The following PTPRE variants were observed in gnomAD, a reference collection of about 807,000 sequenced individuals.
PTPRE encodes protein tyrosine phosphatase receptor type E.
PTPRE carries 51 observed loss-of-function variants against 102.0 expected under a neutral mutation model. The observed-to-expected ratio is 0.50, with a 90% CI of 0.40 to 0.63. The LOEUF is 0.63. Among genes scored for constraint, PTPRE ranks in the 30% least tolerant of loss-of-function variants. The pLI is 0.00. For missense variants in PTPRE, 752 were observed against 915.1 expected, an observed-to-expected ratio of 0.82 and a Z score of 2.30; for synonymous variants, 345 against 348.2, an observed-to-expected ratio of 0.99 and a Z score of 0.10.
intron 2 of PTPRE, among the ~76,000 whole-genome samples, chr10:128,025,487 C>T (rs1208223549): frequency 6.6e-6 from 1 of 152,212 alleles, no homozygotes; most frequent in East Asian, 1.9e-4. Context: ...CCCCACTTTA[C>T]AGACGAGTAA....
At chr10:128,041,398 C>T (rs1327296692) in intron 3 of PTPRE, among the ~76,000 whole-genome samples, 1 of 151,958 alleles carries the variant, frequency 6.6e-6, no homozygotes, top group African/African-American at 2.4e-5. Flanking sequence ...ACCTGTAATC[C>T]CAGCACTTTG....
At chr10:128,014,189 A>T (rs146089768) in intron 2 of PTPRE, among the ~76,000 whole-genome samples, 1 of 152,158 alleles carries the variant, frequency 6.6e-6, no homozygotes, top group Non-Finnish European at 1.5e-5. Context: ...CCAGCTCCAC[A>T]GGTCCCCTCC....
At chr10:128,044,562 C>A (rs1382387239) in intron 3 of PTPRE, among the ~76,000 whole-genome samples, 1 of 152,226 alleles carries the variant, frequency 6.6e-6, no homozygotes, top group Non-Finnish European at 1.5e-5. Context: ...TAAGCAAACA[C>A]ACACACACAC....
chr10:127,942,288 T>G (rs979583190), intron 1 of PTPRE, among the ~76,000 whole-genome samples: 1 of 152,182 alleles, frequency 6.6e-6, no homozygotes, highest in Admixed American at 6.5e-5. Flanking sequence ...GGAAGAATGT[T>G]GAGGAAAGGT....
rs938943198 is a variant in PTPRE, at chr10:127,907,941, C to T, written c.-31+632C>T. Among the ~76,000 whole-genome samples, 1 of 152,194 alleles carries T rather than the reference C, an allele frequency of 6.6e-6. No individual in the cohort carries two copies. The highest frequency in any genetic ancestry group is 2.4e-5 in the African/African-American group (1 of 41,468). ...TGCCGCGATTTGCAGGGTCGACGACCTCACAGGGCTCCTGAGCACAGATGC... is the reference window on the plus strand; with the variant it reads ...TGCCGCGATTTGCAGGGTCGACGACTTCACAGGGCTCCTGAGCACAGATGC... On this transcript the variant is annotated intron_variant, in intron 1 of 20. Transcript: ENST00000254667. The surrounding 1 kb of genome is among the most constrained non-coding windows in gnomAD (Gnocchi z 4.8).
chr10:128,005,761 G>A (rs1252593055), intron 2 of PTPRE, among the ~76,000 whole-genome samples: 2 of 152,194 alleles, frequency 1.3e-5, no homozygotes, highest in Non-Finnish European at 2.9e-5. Context: ...AAATGTAATG[G>A]CTAAAACAAT....
At chr10:128,013,290 C>T (rs551256495) in intron 2 of PTPRE, among the ~76,000 whole-genome samples, 1 of 152,220 alleles carries the variant, frequency 6.6e-6, no homozygotes, top group Admixed American at 6.5e-5. Context: ...TCTCCGAAGT[C>T]GTGAGTAGAG....
intron 2 of PTPRE, among the ~76,000 whole-genome samples, chr10:128,005,788 G>A (rs7089981): frequency 0.48 from 72,797 of 151,998 alleles, 17,709 homozygotes; most frequent in African/African-American, 0.53. Flanking sequence ...GTGTGGTCCC[G>A]CAGTTCCGGA....
At chr10:127,934,608 G>C (rs1007447102) in intron 1 of PTPRE, 2 of 152,276 alleles carry the variant, frequency 1.3e-5, no homozygotes, top group Non-Finnish European at 2.9e-5. Flanking sequence ...TTAGAATCCA[G>C]TCTCCCAGCC....
chr10:128,016,263 C>T (rs1272258901), intron 2 of PTPRE, among the ~76,000 whole-genome samples: 2 of 152,142 alleles, frequency 1.3e-5, no homozygotes, highest in Admixed American at 1.3e-4. Context: ...ACTTTCAAAA[C>T]ACAGAACAGG....
intron 2 of PTPRE, among the ~76,000 whole-genome samples, chr10:127,991,403 C>T (rs1228827072): frequency 6.6e-6 from 1 of 152,086 alleles, no homozygotes; most frequent in Non-Finnish European, 1.5e-5. Context: ...TTAAAAAATT[C>T]TTTCTGATAC....
chr10:128,000,100 A>C, intron 2 of PTPRE: 1 of 504,428 alleles, frequency 2.0e-6, no homozygotes, highest in Non-Finnish European at 2.6e-6. Context: ...ACTGGTTGAT[A>C]ATTTAGGAAT....
At chr10:128,069,036 C>A (rs1370140811) in intron 12 of PTPRE, 2 of 152,318 alleles carry the variant, frequency 1.3e-5, no homozygotes, top group South Asian at 2.1e-4. Flanking sequence ...GGGACAAAAG[C>A]CACCTGCACG....
chr10:128,052,054 G>T (rs1848605363), intron 6 of PTPRE, among the ~76,000 whole-genome samples: 1 of 152,014 alleles, frequency 6.6e-6, no homozygotes. Flanking sequence ...TGTAGAGATG[G>T]GGTCCCACTG....
chr10:128,026,739 CCCTTTGCAT>C (rs774478224), intron 2 of PTPRE, among the ~76,000 whole-genome samples: 51 of 152,342 alleles, frequency 3.3e-4, no homozygotes, highest in Non-Finnish European at 6.2e-4. Context: ...AAAAAGCAAG[CCCTTTGCAT>C]CCTTTTCTCT....
Position 128,079,542 on chromosome 10 carries a change from A to G in PTPRE, c.1893-18A>G. The stretch of plus-strand genomic sequence containing the variant: ...AGTGCAAGTCGGATGATCTGCATTA[A>G]GCGCTTTTTCTCTGCAGTGCCGGAG... On this transcript the variant is annotated intron_variant, in intron 19 of 20. Coordinates refer to ENST00000254667, the MANE Select transcript of PTPRE (RefSeq NM_006504.6). The G allele has an allele frequency of 6.2e-7, 1 of 1,612,582 alleles. No individual in the cohort carries two copies. The highest frequency in any genetic ancestry group is 8.5e-7 in the Non-Finnish European group (1 of 1,179,442).
In PTPRE at chr10:127,907,151, C is replaced by G; in HGVS notation, c.-189C>G. 3.4e-6 allele frequency: 2 copies of G among 580,510 alleles called. No individual in the cohort carries two copies. The highest frequency in any genetic ancestry group is 4.3e-6 in the Non-Finnish European group (2 of 460,484). 36.0% of individuals were successfully genotyped at this position (580,510 alleles called of 1,614,324 possible). On this transcript the variant is annotated 5_prime_UTR_variant, in exon 1 of 21. Transcript: ENST00000254667. This position sits in a 1 kb window ranked among gnomAD's most constrained non-coding sequence, Gnocchi z 4.8. ...GGACAGCGGGCGGCAGGAGCCGGCGCGAGCGGCTTCAGGAACCCACGGCCT... is the reference window on the plus strand; with the variant it reads ...GGACAGCGGGCGGCAGGAGCCGGCGGGAGCGGCTTCAGGAACCCACGGCCT...
chr10:127,944,503 GATGGATGGATGGGTGGATGGATGGATAA>G lies in PTPRE; in HGVS notation c.-31+37207_-31+37234del, dbSNP rs1195069906. ...GGATGGATGGATGGATGGATGGATG[GATGGATGGATGGGTGGATGGATGGATAA>G]ATGGATGGATGGATAAGTGGATGGA... On this transcript the variant is annotated intron_variant, in intron 1 of 20. Transcript: ENST00000254667. This position sits in a 1 kb window ranked among gnomAD's most constrained non-coding sequence, Gnocchi z 4.2. Among the ~76,000 whole-genome samples, 171 of 147,430 alleles carry G rather than the reference GATGGATGGATGGGTGGATGGATGGATAA, an allele frequency of 1.2e-3. 1 individual carries two copies. Among genetic ancestry groups the G allele is most frequent in the African/African-American group, 4.1e-3 (166 of 40,272 alleles).
rs1850708409 is a variant in PTPRE, at chr10:128,070,916, G to A, written c.1387+15G>A. The A allele has an allele frequency of 6.2e-7, 1 of 1,609,084 alleles. No individual in the cohort carries two copies. The highest frequency in any genetic ancestry group is 8.5e-7 in the Non-Finnish European group (1 of 1,175,538). ...GATCATCCCGTGTAAGGCACCCGTGGCGTGGCTTGGGCAGGGCTGGGGCGG... is the reference window on the plus strand; with the variant it reads ...GATCATCCCGTGTAAGGCACCCGTGACGTGGCTTGGGCAGGGCTGGGGCGG... On this transcript the variant is annotated intron_variant, in intron 15 of 20. Transcript: ENST00000254667. The surrounding 1 kb of genome is among the most constrained non-coding windows in gnomAD (Gnocchi z 4.8).
Sources: allele counts gnomAD v4.1 joint callset (sites outside exome capture counted in the v4.1 genomes callset), GRCh38; gene constraint gnomAD v4.1.1; non-coding constraint Gnocchi (gnomAD v3.1); transcripts MANE v1.5; gene names NCBI Gene and HGNC (gene_info 2026-07-23, HGNC 2026-07-21).